The following ACOXL variants were observed in gnomAD, a reference collection of about 807,000 sequenced individuals.
ACOXL encodes the protein acyl-CoA oxidase like.
Under a neutral mutation model 71.9 loss-of-function variants are expected in ACOXL, and 70 were observed. The ratio of observed to expected loss-of-function variants is 0.97; its 90% confidence interval spans 0.80 to 1.19. ACOXL has a LOEUF of 1.19. Among genes scored for constraint, ACOXL ranks in the 50% most tolerant of loss-of-function variants. The pLI, the probability that ACOXL is intolerant of heterozygous loss-of-function variation, is 0.00. For synonymous variants in ACOXL, 253 were observed against 281.6 expected (o/e 0.90, Z 1.02); for missense variants, 703 against 736.3 (o/e 0.95, Z 0.52).
chr2:111,003,732 C>T (rs759133056), intron 14 of ACOXL, among the ~76,000 whole-genome samples: 2 of 151,924 alleles, frequency 1.3e-5, no homozygotes, highest in East Asian at 1.9e-4. Context: ...ACCTTGCACT[C>T]GTGTTAAATA....
chr2:110,829,848 C>T (rs1042661364), intron 9 of ACOXL, among the ~76,000 whole-genome samples: 1 of 152,190 alleles, frequency 6.6e-6, no homozygotes, highest in Non-Finnish European at 1.5e-5. Flanking sequence ...ATGGAGCCAT[C>T]GTGAGCCTGT....
intron 10 of ACOXL, among the ~76,000 whole-genome samples, chr2:110,885,677 C>G (rs10182055): frequency 0.32 from 49,004 of 151,988 alleles, 8,154 homozygotes; most frequent in Middle Eastern, 0.4. Context: ...TAAAAATGTT[C>G]AAACTTCCTT....
intron 3 of ACOXL, among the ~76,000 whole-genome samples, chr2:110,790,640 T>C (rs138236277): frequency 2.4e-4 from 36 of 152,290 alleles, no homozygotes; most frequent in Admixed American, 1.3e-3. Context: ...TCAGAGCAAA[T>C]GGTCCTCTCT....
At chr2:110,984,512 A>G (rs180901031) in intron 12 of ACOXL, among the ~76,000 whole-genome samples, 2 of 152,316 alleles carry the variant, frequency 1.3e-5, no homozygotes, top group Non-Finnish European at 2.9e-5. Flanking sequence ...AAATAAACTC[A>G]TTTTTAAAAT....
chr2:110,803,786 A>G (rs985533739), intron 8 of ACOXL, among the ~76,000 whole-genome samples: 1 of 152,242 alleles, frequency 6.6e-6, no homozygotes, highest in Non-Finnish European at 1.5e-5. Flanking sequence ...AGGGTATAGT[A>G]TCCACAATAT....
Position 110,915,350 on chromosome 2 carries a change from ATGTGTGTGTG to A in ACOXL, c.905+6467_905+6476del, listed in dbSNP as rs3059185. Among the ~76,000 whole-genome samples, 21 of 113,634 alleles carry A rather than the reference ATGTGTGTGTG, an allele frequency of 1.8e-4. 1 individual carries two copies. The East Asian group carries it at 3.7e-3, about 20-fold the overall frequency. 74.5% of individuals were successfully genotyped at this position (113,634 alleles called of 152,430 possible). A position where few individuals can be genotyped will look rare whatever the true frequency, so the allele number is the denominator to read the frequency against. On this transcript the variant is annotated intron_variant, in intron 11 of 17. Coordinates refer to ENST00000439055, the MANE Select transcript of ACOXL (RefSeq NM_001142807.4). ...TTATATGCATTTTATATATATATAT[ATGTGTGTGTG>A]TGTGTGTGTGTGTGTGTGTGTATGT...
At chr2:110,959,341 C>T (rs1449405792) in intron 12 of ACOXL, among the ~76,000 whole-genome samples, 1 of 152,216 alleles carries the variant, frequency 6.6e-6, no homozygotes, top group South Asian at 2.1e-4. Context: ...TCCTGCTCTT[C>T]TCCCAGCCCT....
At chr2:110,978,792 C>T (rs548745826) in intron 12 of ACOXL, among the ~76,000 whole-genome samples, 1 of 141,990 alleles carries the variant, frequency 7.0e-6, no homozygotes, top group South Asian at 2.4e-4. Context: ...GCACGATGCT[C>T]AAGTTGTAAC....
intron 16 of ACOXL, among the ~76,000 whole-genome samples, chr2:111,084,306 CACAA>C (rs1378241934): frequency 1.6e-4 from 21 of 129,120 alleles, no homozygotes; most frequent in Admixed American, 3.9e-4. Context: ...CACACACACA[CACAA>C]GAAGTGGAAG....
At chr2:110,923,432 G>A (rs193019933) in intron 11 of ACOXL, among the ~76,000 whole-genome samples, 11 of 152,224 alleles carry the variant, frequency 7.2e-5, no homozygotes, top group African/African-American at 2.4e-4. Flanking sequence ...CTGGGTAAGT[G>A]GAGGTTTGAC....
At chr2:111,020,569 G>GTGTGTGTGTGCACATGTGCATGTGCA (rs2064704786) in intron 14 of ACOXL, among the ~76,000 whole-genome samples, 3 of 152,144 alleles carry the variant, frequency 2.0e-5, no homozygotes, top group Admixed American at 1.3e-4. Flanking sequence ...GCGGGAAGCC[G>GTGTGTGTGTGCACATGTGCATGTGCA]TGTGTGTGTG....
intron 14 of ACOXL, among the ~76,000 whole-genome samples, chr2:111,003,564 A>AAAAG (rs1272712903): frequency 1.0e-4 from 15 of 147,814 alleles, no homozygotes; most frequent in African/African-American, 3.2e-4. Context: ...AAAAAAAAAA[A>AAAAG]AAAAAAAAAA....
intron 1 of ACOXL, among the ~76,000 whole-genome samples, chr2:110,758,182 G>C (rs1435164997): frequency 6.6e-6 from 1 of 152,124 alleles, no homozygotes; most frequent in Non-Finnish European, 1.5e-5. Context: ...TGTCAGGTTT[G>C]TCAAAGATTA....
Position 110,798,598 on chromosome 2 carries a change from T to C in ACOXL, c.346-12T>C. ...GGAAGGGAAACACTGTTGCTCTGCT[T>C]TTTCTGTGTAGGAGTTTGTAATTGA... On this transcript the variant is annotated splice_polypyrimidine_tract_variant and intron_variant, in intron 5 of 17. Transcript: ENST00000439055. 6.2e-7 allele frequency: 1 copy of C among 1,607,776 alleles called. No individual in the cohort carries two copies. The highest frequency in any genetic ancestry group is 8.5e-7 in the Non-Finnish European group (1 of 1,174,238).
In ACOXL at chr2:110,873,966, G is replaced by A. The variant is rs867086974; in HGVS notation, c.788+32561G>A. Among the ~76,000 whole-genome samples, 5 of 152,270 alleles carry A rather than the reference G, an allele frequency of 3.3e-5. 1 individual carries two copies. The highest frequency in any genetic ancestry group is 1.2e-4 in the African/African-American group (5 of 41,542). On this transcript the variant is annotated intron_variant, in intron 10 of 17. Transcript: ENST00000439055. The stretch of plus-strand genomic sequence containing the variant: ...GTCTTGGCATCCACCGTGTGGCATC[G>A]GCCAGCCCTAGGGCCCTATCCATGT...
intron 14 of ACOXL, among the ~76,000 whole-genome samples, chr2:111,007,534 A>G (rs759909243): frequency 1.2e-4 from 18 of 152,328 alleles, no homozygotes; most frequent in East Asian, 1.9e-4. Context: ...TCCAAGCATT[A>G]ACGTTGAGAG....
At chr2:111,042,443 C>A (rs1380356829) in intron 15 of ACOXL, among the ~76,000 whole-genome samples, 1 of 152,214 alleles carries the variant, frequency 6.6e-6, no homozygotes, top group East Asian at 1.9e-4. Context: ...TCACAGAAGA[C>A]CCATTGGTGC....
chr2:111,094,015 G>T (rs995467883), intron 17 of ACOXL: 1 of 152,746 alleles, frequency 6.5e-6, no homozygotes, highest in African/African-American at 2.4e-5. Context: ...TCTTATGCTA[G>T]ACCTTGAAGA....
At chr2:110,862,452 C>A (rs1019430127) in intron 10 of ACOXL, among the ~76,000 whole-genome samples, 23 of 152,210 alleles carry the variant, frequency 1.5e-4, no homozygotes, top group Non-Finnish European at 8.8e-5. Context: ...GGCAACTTAG[C>A]AAGCTCTTGT....
Sources: allele counts gnomAD v4.1 joint callset (sites outside exome capture counted in the v4.1 genomes callset), GRCh38; gene constraint gnomAD v4.1.1; transcripts MANE v1.5; gene names NCBI Gene and HGNC (gene_info 2026-07-23, HGNC 2026-07-21).